Variants in LRRTM4 observed in about 807,000 individuals in gnomAD.
LRRTM4 encodes the protein leucine rich repeat transmembrane neuronal 4.
Under a neutral mutation model 47.6 loss-of-function variants are expected in LRRTM4, and 25 were observed. The ratio of observed to expected loss-of-function variants is 0.53; its 90% CI spans 0.38 to 0.73. LRRTM4 has a LOEUF of 0.73. Among genes scored for constraint, LRRTM4 ranks in the 30% least tolerant of loss-of-function variants. The pLI is 0.00. For missense variants in LRRTM4, 638 were observed against 713.4 expected (o/e 0.89, Z 1.20); for synonymous variants, 311 against 269.5 (o/e 1.15, Z -1.51).
At chr2:76,962,907 A>G (rs1288274321) in intron 3 of LRRTM4, among the ~76,000 whole-genome samples, 1 of 150,796 alleles carries the variant, frequency 6.6e-6, no homozygotes, top group Non-Finnish European at 1.5e-5. Flanking sequence ...CCAAAAGTTG[A>G]TTTAGAAAAT....
At chr2:76,935,331 G>T (rs931972064) in intron 3 of LRRTM4, among the ~76,000 whole-genome samples, 14 of 152,090 alleles carry the variant, frequency 9.2e-5, no homozygotes, top group African/African-American at 3.1e-4. Context: ...TCTTGGCTAT[G>T]CGGGCTCTTT....
At position 76,918,956 on chromosome 2, in the gene LRRTM4, C is replaced by T. The variant is rs1674343526; in HGVS notation, c.1552-170040G>A. 2.6e-5 allele frequency among the ~76,000 whole-genome samples: 4 copies of T among 152,166 alleles called. No individual in the cohort carries two copies. The South Asian group carries it at 8.3e-4, about 32-fold the overall frequency. On this transcript the variant is annotated intron_variant, in intron 3 of 3. Coordinates refer to ENST00000409884, the MANE Select transcript of LRRTM4 (RefSeq NM_001134745.3). ...AGGAGTCAGAAAAGCTGATATGCTC[C>T]TGGTTACGGTTTATTGCAGCAAAAG...
At chr2:77,137,005 G>T (rs1180108662) in intron 3 of LRRTM4, among the ~76,000 whole-genome samples, 1 of 151,934 alleles carries the variant, frequency 6.6e-6, no homozygotes, top group East Asian at 1.9e-4. Context: ...TCTGATTGGT[G>T]TACCTGAAAG....
intron 3 of LRRTM4, among the ~76,000 whole-genome samples, chr2:77,095,739 A>T (rs1448419383): frequency 3.9e-5 from 6 of 151,986 alleles, no homozygotes; most frequent in Admixed American, 3.9e-4. Context: ...CCGACTCCTG[A>T]CCTTCAGGTC....
At chr2:76,885,189 TACTC>T (rs936787117) in intron 3 of LRRTM4, among the ~76,000 whole-genome samples, 1 of 152,028 alleles carries the variant, frequency 6.6e-6, no homozygotes. Flanking sequence ...CTTCCAAACT[TACTC>T]TAATAAGTAC....
intron 3 of LRRTM4, among the ~76,000 whole-genome samples, chr2:76,935,315 G>A (rs1015239244): frequency 3.9e-5 from 6 of 152,118 alleles, no homozygotes; most frequent in African/African-American, 7.2e-5. Context: ...TTTTTGCTTA[G>A]GATTGTCTTG....
chr2:76,968,340 G>GTATATATATATA (rs61103340), intron 3 of LRRTM4, among the ~76,000 whole-genome samples: 47 of 76,626 alleles, frequency 6.1e-4, no homozygotes, highest in Non-Finnish European at 1.1e-3. Context: ...GTGTATGTGT[G>GTATATATATATA]TATATATATA....
rs539047187 is a variant in LRRTM4, at chr2:76,871,980, C to A, written c.1552-123064G>T. 2.8e-4 allele frequency among the ~76,000 whole-genome samples: 43 copies of A among 152,280 alleles called. 1 individual carries two copies. Among genetic ancestry groups the A allele is most frequent in the Admixed American group, 9.8e-4 (15 of 15,298 alleles). The stretch of plus-strand genomic sequence containing the variant: ...CAGATAACATATTAGCACAAGTCAG[C>A]AACTGGATTGAAGCCTTGTGGGGAA... On this transcript the variant is annotated intron_variant, in intron 3 of 3. Coordinates refer to ENST00000409884, the MANE Select transcript of LRRTM4 (RefSeq NM_001134745.3).
rs140831168 is a variant in LRRTM4, at chr2:77,472,184, T to C, written c.1551+46134A>G. 6.5e-3 allele frequency among the ~76,000 whole-genome samples: 987 copies of C among 152,234 alleles called. 6 individuals carry two copies. The highest frequency in any genetic ancestry group is 0.017 in the Middle Eastern group (5 of 294). On this transcript the variant is annotated intron_variant, in intron 3 of 3. Coordinates refer to ENST00000409884, the MANE Select transcript of LRRTM4 (RefSeq NM_001134745.3). ...GGCCCCTAAGTGTAGTGCTGAAGTG[T>C]GGTCTAGTGTTGCTCAGTGAGAGAA...
At chr2:77,027,125 C>T (rs1678482428) in intron 3 of LRRTM4, among the ~76,000 whole-genome samples, 1 of 152,060 alleles carries the variant, frequency 6.6e-6, no homozygotes, top group Non-Finnish European at 1.5e-5. Context: ...CTTGCCTTCT[C>T]TTTTACACGA....
intron 3 of LRRTM4, among the ~76,000 whole-genome samples, chr2:77,160,750 A>T (rs766208700): frequency 1.8e-4 from 27 of 152,166 alleles, no homozygotes; most frequent in Non-Finnish European, 3.1e-4. Flanking sequence ...CCTGCCTTAA[A>T]TCCTGGTGCT....
chr2:77,185,798 G>T (rs1673484944), intron 3 of LRRTM4, among the ~76,000 whole-genome samples: 1 of 152,084 alleles, frequency 6.6e-6, no homozygotes, highest in East Asian at 1.9e-4. Flanking sequence ...GAAAACTAAG[G>T]TCAAACAGGC....
At chr2:77,245,143 C>A (rs981788192) in intron 3 of LRRTM4, among the ~76,000 whole-genome samples, 2 of 152,018 alleles carry the variant, frequency 1.3e-5, no homozygotes, top group Admixed American at 1.3e-4. Flanking sequence ...AATAGAAGTG[C>A]TTACAGATTA....
intron 3 of LRRTM4, among the ~76,000 whole-genome samples, chr2:77,186,596 C>G (rs1271327161): frequency 6.6e-6 from 1 of 151,970 alleles, no homozygotes; most frequent in African/African-American, 2.4e-5. Context: ...ATTGCAGAAG[C>G]AACAACAAAA....
At chr2:77,050,197 A>C (rs1186299346) in intron 3 of LRRTM4, among the ~76,000 whole-genome samples, 1 of 149,440 alleles carries the variant, frequency 6.7e-6, no homozygotes, top group Non-Finnish European at 1.5e-5. Context: ...TTTTATGTAA[A>C]AATCTGGGAT....
At chr2:76,798,208 C>G (rs1261625699) in intron 3 of LRRTM4, among the ~76,000 whole-genome samples, 4 of 152,070 alleles carry the variant, frequency 2.6e-5, no homozygotes, top group African/African-American at 7.2e-5. Flanking sequence ...AAGTAAAGCT[C>G]TCCTCAGAAA....
At chr2:76,906,070 G>GA (rs1279001018) in intron 3 of LRRTM4, among the ~76,000 whole-genome samples, 83 of 152,212 alleles carry the variant, frequency 5.5e-4, no homozygotes, top group African/African-American at 1.6e-3. Context: ...TGAAATGAAG[G>GA]AAAAAATGTT....
At chr2:77,222,800 C>T (rs576020701) in intron 3 of LRRTM4, among the ~76,000 whole-genome samples, 2 of 152,156 alleles carry the variant, frequency 1.3e-5, no homozygotes, top group Non-Finnish European at 2.9e-5. Context: ...TGGTACTATT[C>T]CTTCTGAAAC....
intron 3 of LRRTM4, among the ~76,000 whole-genome samples, chr2:77,056,370 C>T (rs1230100872): frequency 1.3e-5 from 2 of 152,060 alleles, no homozygotes; most frequent in African/African-American, 2.4e-5. Flanking sequence ...CACCTCTATA[C>T]ATCAAGAACT....
Sources: allele counts gnomAD v4.1 joint callset (sites outside exome capture counted in the v4.1 genomes callset), GRCh38; gene constraint gnomAD v4.1.1; transcripts MANE v1.5; gene names NCBI Gene and HGNC (gene_info 2026-07-23, HGNC 2026-07-21).